The following RRP15 variants were observed in gnomAD, a reference collection of about 807,000 sequenced individuals.
RRP15 encodes RRP15-like protein.
Under a neutral mutation model 27.1 loss-of-function variants are expected in RRP15, and 18 were observed. The observed-to-expected ratio is 0.66, with a 90% confidence interval of 0.46 to 0.98. The LOEUF is 0.98. RRP15 is among the 50% of genes least tolerant of loss of function. The pLI, the probability that RRP15 is intolerant of heterozygous loss-of-function variation, is 0.00. For synonymous variants in RRP15, 107 were observed against 109.4 expected (o/e 0.98, Z 0.14); for missense variants, 359 against 337.8 (o/e 1.06, Z -0.49).
At position 218,291,908 on chromosome 1, in the gene RRP15, G is replaced by A. The variant is rs140667612; in HGVS notation, c.139+6453G>A. Among the ~76,000 whole-genome samples, 463 of 151,306 alleles carry A rather than the reference G, an allele frequency of 3.1e-3. 5 individuals are homozygous for A. Among genetic ancestry groups the A allele is most frequent in the African/African-American group, 0.011 (441 of 41,184 alleles). On this transcript the variant is annotated intron_variant, in intron 1 of 4. Coordinates refer to ENST00000366932, the MANE Select transcript of RRP15 (RefSeq NM_016052.4). ...GCTGGAGTGCAGTGGCATAATCAGA[G>A]CTCTCTGCAGTCTTAACCTCCCAGG... is the stretch of plus-strand genomic sequence containing the variant.
intron 1 of RRP15, 76 bp from the exon 2 acceptor site, chr1:218,302,218 G>T: frequency 8.9e-7 from 1 of 1,126,124 alleles, no homozygotes; most frequent in East Asian, 2.4e-5. Flanking sequence ...AGAGCTCCAG[G>T]AAGGGTTCGG....
chr1:218,291,008 G>C (rs1488475584), intron 1 of RRP15, among the ~76,000 whole-genome samples: 1 of 115,618 alleles, frequency 8.6e-6, no homozygotes, highest in Non-Finnish European at 1.6e-5. Flanking sequence ...GGTGTGTGCC[G>C]TGTGCCTGTA....
rs1656424015 is a variant in RRP15 at position 218,334,778 on chromosome 1, T to A, written c.*3687T>A. 1 of 152,178 alleles carries A rather than the reference T, an allele frequency of 6.6e-6. No individual in the cohort carries two copies. The highest frequency in any genetic ancestry group is 2.1e-4 in the South Asian group (1 of 4,830). The allele number at this position is 152,178 out of a possible 1,614,324, so 9.4% of individuals were successfully genotyped here. On this transcript the variant is annotated 3_prime_UTR_variant, in exon 5 of 5. Transcript: ENST00000366932. Reference sequence around the variant, plus strand: ...AAGACTATTTGAGGTGAATTGGCAGTGAGAGCAAATTTTGGAAACAGGAGA... The same window carrying A: ...AAGACTATTTGAGGTGAATTGGCAGAGAGAGCAAATTTTGGAAACAGGAGA...
intron 1 of RRP15, among the ~76,000 whole-genome samples, chr1:218,301,009 G>C: frequency 6.6e-6 from 1 of 152,252 alleles, no homozygotes; most frequent in South Asian, 2.1e-4. Flanking sequence ...CTTAATGCAA[G>C]TATATCAATA....
intron 1 of RRP15, among the ~76,000 whole-genome samples, chr1:218,296,812 G>A (rs1294433843): frequency 1.3e-5 from 2 of 152,042 alleles, no homozygotes; most frequent in East Asian, 1.9e-4. Context: ...CTTGAAATAA[G>A]CAAAAGGTGG....
At chr1:218,324,563 C>G (rs1459888448) in intron 4 of RRP15, among the ~76,000 whole-genome samples, 1 of 152,260 alleles carries the variant, frequency 6.6e-6, no homozygotes, top group African/African-American at 2.4e-5. Context: ...AGCAGCCACT[C>G]CGGATGGTCG....
chr1:218,327,270 A>T (rs1259911857), intron 4 of RRP15, among the ~76,000 whole-genome samples: 1 of 152,158 alleles, frequency 6.6e-6, no homozygotes, highest in African/African-American at 2.4e-5. Context: ...AAATGTAGGG[A>T]TTAGAATTTA....
At chr1:218,326,232 A>G (rs1039695445) in intron 4 of RRP15, among the ~76,000 whole-genome samples, 1 of 152,164 alleles carries the variant, frequency 6.6e-6, no homozygotes, top group African/African-American at 2.4e-5. Context: ...GTTGAACCCA[A>G]GAGGTGGAGG....
At chr1:218,302,698 G>T in intron 2 of RRP15, 139 bp downstream of exon 2, 1 of 1,344,266 alleles carries the variant, frequency 7.4e-7, no homozygotes, top group Non-Finnish European at 1.0e-6. Context: ...GGATAACTAA[G>T]GTTATGTTTA....
At chr1:218,304,761 T>G (rs936987082) in intron 2 of RRP15, among the ~76,000 whole-genome samples, 4 of 152,226 alleles carry the variant, frequency 2.6e-5, no homozygotes, top group African/African-American at 9.6e-5. Flanking sequence ...TATCTTGTAC[T>G]GCCTGGCCGA....
rs1179687498 is a variant in RRP15, at chr1:218,285,321, C to G, written c.5C>G (p.Ala2Gly). The G allele has an allele frequency of 6.2e-7, 1 of 1,611,628 alleles. No individual in the cohort carries two copies. Among genetic ancestry groups the G allele is most frequent in the Non-Finnish European group, 8.5e-7 (1 of 1,179,372 alleles). Residue 2 changes from alanine to glycine, a missense_variant, in exon 1 of 5, where the codon GCA becomes GGA. Transcript: ENST00000366932. Reference protein sequence around the residue: MAAAAPDSRVSE... With the variant: MGAAAPDSRVSE... ...TGACGCTTCCGGCGCAGAAAAATGG[C>G]AGCCGCCGCTCCGGACTCACGTGTG... is the stretch of plus-strand genomic sequence containing the variant.
intron 4 of RRP15, among the ~76,000 whole-genome samples, chr1:218,312,314 G>C (rs1656007169): frequency 6.7e-6 from 1 of 148,268 alleles, no homozygotes; most frequent in African/African-American, 2.5e-5. Context: ...GAGCGGTTCA[G>C]TGCTGCTCTG....
chr1:218,318,778 C>T (rs909658587), intron 4 of RRP15, among the ~76,000 whole-genome samples: 10 of 151,506 alleles, frequency 6.6e-5, no homozygotes, highest in Admixed American at 1.3e-4. Flanking sequence ...CCCTCCCCAC[C>T]TCCCAGTTAG....
intron 4 of RRP15, among the ~76,000 whole-genome samples, chr1:218,309,625 G>C (rs981100885): frequency 7.0e-6 from 1 of 143,626 alleles, no homozygotes; most frequent in Non-Finnish European, 1.5e-5. Context: ...AGAGGGTGCA[G>C]TGAGCCGAGA....
Position 218,302,380 on chromosome 1 carries a change from A to G in RRP15, c.226A>G (p.Lys76Glu). 6.2e-7 allele frequency: 1 copy of G among 1,614,120 alleles called. No individual in the cohort carries two copies. The highest frequency in any genetic ancestry group is 1.1e-5 in the South Asian group (1 of 91,086). Residue 76 changes from lysine (K) to glutamate (E), a missense_variant, in exon 2 of 5, where the codon AAA becomes GAA. By Grantham distance (56) the Lys-to-Glu change is moderately conservative. Coordinates refer to ENST00000366932, the MANE Select transcript of RRP15 (RefSeq NM_016052.4). ...DSEGDAEPCD[K>E]ENENDGESSV... ...TGAGGGTGATGCTGAGCCCTGTGAC[A>G]AAGAAAATGAAAATGATGGAGAATC...
rs780709587 is a variant in RRP15, at chr1:218,331,063, C to A, written c.821C>A (p.Pro274Gln). 2.5e-6 allele frequency: 4 copies of A among 1,612,294 alleles called. No homozygotes were observed. Residue 274 changes from proline to glutamine, a missense_variant, in exon 5 of 5, where the codon CCA becomes CAA. By Grantham distance (76) the Pro-to-Gln change is moderately conservative. Transcript: ENST00000366932. The part of the protein sequence containing the change: ...KESDGPDDSR[P>Q]ESASDSDT ...AGTGATGGGCCAGATGACAGCAGAC[C>A]AGAATCTGCAAGTGACTCTGATACA...
In RRP15 at chr1:218,302,474, G is replaced by C. The variant is rs761610393; in HGVS notation, c.320G>C (p.Ser107Thr). The part of the protein sequence containing the change: ...AKVLNKKTPE[S>T]KPTILVKNKK... ...GTCCTCAACAAGAAAACTCCTGAAAGTAAACCTACTATTCTGGTCAAAAAT... is the reference window on the plus strand; with the variant it reads ...GTCCTCAACAAGAAAACTCCTGAAACTAAACCTACTATTCTGGTCAAAAAT... Residue 107 changes from serine (S) to threonine (T), a missense_variant, in exon 2 of 5, where the codon AGT becomes ACT. Coordinates refer to ENST00000366932, the MANE Select transcript of RRP15 (RefSeq NM_016052.4). 2 of 1,614,132 alleles carry C rather than the reference G, an allele frequency of 1.2e-6. No individual in the cohort carries two copies. The highest frequency in any genetic ancestry group is 8.5e-7 in the Non-Finnish European group (1 of 1,180,002).
rs1024458475 is a variant in RRP15, at chr1:218,331,448, T to G, written c.*357T>G. ...TAATTCATCATTAAACTCTTTGAAG[T>G]TAATATTTTTCTGCCTTCTAACTTA... On this transcript the variant is annotated 3_prime_UTR_variant, in exon 5 of 5. Transcript: ENST00000366932. 6.4e-6 allele frequency: 1 copy of G among 156,176 alleles called. No homozygotes were observed. The highest frequency in any genetic ancestry group is 1.4e-5 in the Non-Finnish European group (1 of 70,850). The allele number at this position is 156,176 out of a possible 1,614,324, so 9.7% of individuals were successfully genotyped here.
At position 218,299,895 on chromosome 1, in the gene RRP15, C is replaced by T. The variant is rs576141974; in HGVS notation, c.140-2399C>T. ...TGGGTACACTGGTCCTAGGAGATGCCTCTTGGGGAAACATTTTGTGGCCCT... is the reference window on the plus strand; with the variant it reads ...TGGGTACACTGGTCCTAGGAGATGCTTCTTGGGGAAACATTTTGTGGCCCT... On this transcript the variant is annotated intron_variant, in intron 1 of 4. Coordinates refer to ENST00000366932, the MANE Select transcript of RRP15 (RefSeq NM_016052.4). Among the ~76,000 whole-genome samples the T allele has an allele frequency of 2.0e-5, 3 of 152,140 alleles. No individual in the cohort carries two copies. In the East Asian group the frequency reaches 5.8e-4, roughly 29 times the overall value.
Sources: gnomAD v4.1 joint callset for allele counts (sites outside exome capture counted in the v4.1 genomes callset) on GRCh38, gnomAD v4.1.1 for gene constraint, MANE v1.5 for transcripts, NCBI Gene and HGNC (gene_info 2026-07-23, HGNC 2026-07-21) for gene names.